CASP4: variants seen among roughly 807,000 people sequenced by gnomAD.
The protein encoded by CASP4 is caspase-4.
In CASP4, 29 loss-of-function variants were observed where a neutral mutation model predicts 41.3. The observed-to-expected ratio is 0.70, with a 90% CI of 0.52 to 0.96. The LOEUF (loss-of-function observed/expected upper bound fraction) is 0.96, where lower values mean the gene tolerates loss of function less well. Among genes scored for constraint, CASP4 ranks in the 40% least tolerant of loss-of-function variants. The pLI, the probability that CASP4 is intolerant of heterozygous loss-of-function variation, is 0.00. For synonymous variants in CASP4, 185 were observed against 158.4 expected (o/e 1.17, Z -1.26); for missense variants, 447 against 460.6 (o/e 0.97, Z 0.27).
chr11:104,957,718 T>A (rs1860767057), intron 1 of CASP4, among the ~76,000 whole-genome samples: 1 of 152,020 alleles, frequency 6.6e-6, no homozygotes, highest in South Asian at 2.1e-4. Flanking sequence ...CAAAGAAATC[T>A]AAAGATACAA....
intron 1 of CASP4, among the ~76,000 whole-genome samples, chr11:104,958,821 C>A (rs771314927): frequency 1.3e-5 from 2 of 151,566 alleles, no homozygotes; most frequent in Admixed American, 1.3e-4. Context: ...ATTAGCCGAG[C>A]GTGGTGGTGG....
At chr11:104,967,304 G>A (rs754179158) in intron 1 of CASP4, among the ~76,000 whole-genome samples, 7 of 152,090 alleles carry the variant, frequency 4.6e-5, no homozygotes, top group African/African-American at 7.2e-5. Context: ...CATAAACCCC[G>A]GAGAGAATTG....
intron 1 of CASP4, among the ~76,000 whole-genome samples, chr11:104,967,732 T>TATTGCTGCATCTG (rs1861007695): frequency 6.6e-6 from 1 of 152,186 alleles, no homozygotes; most frequent in Non-Finnish European, 1.5e-5. Flanking sequence ...TTTATATGAC[T>TATTGCTGCATCTG]ACAGATTGCT....
chr11:104,945,852 T>C (rs991140611), intron 7 of CASP4, among the ~76,000 whole-genome samples: 7 of 151,856 alleles, frequency 4.6e-5, no homozygotes, highest in Non-Finnish European at 7.4e-5. Context: ...CTTTTCTTTC[T>C]TTTTCTTTTT....
At chr11:104,956,518 A>G (rs998536562) in intron 1 of CASP4, 1 of 242,736 alleles carries the variant, frequency 4.1e-6, no homozygotes, top group East Asian at 1.8e-4. Context: ...CACCGAGTAT[A>G]TAGTAACTGG....
chr11:104,954,759 G>C lies in CASP4; in HGVS notation c.250C>G (p.Pro84Ala). ...QTFFNIDQIS[P>A]NKKAHPNMEA... ...AATCCAGTCTTACCTTTTTTATTGGGGGATATTTGGTCTATGTTAAAAAAG... is the reference window on the plus strand; with the variant it reads ...AATCCAGTCTTACCTTTTTTATTGGCGGATATTTGGTCTATGTTAAAAAAG... Residue 84 changes from proline (P) to alanine (A), a missense_variant, in exon 2 of 9, where the codon CCC becomes GCC. Transcript: ENST00000444739. The C allele has an allele frequency of 4.3e-6, 7 of 1,611,206 alleles. No individual in the cohort carries two copies. Among genetic ancestry groups the C allele is most frequent in the Non-Finnish European group, 5.9e-6 (7 of 1,179,020 alleles).
intron 1 of CASP4, among the ~76,000 whole-genome samples, chr11:104,955,267 G>C (rs933430158): frequency 6.6e-6 from 1 of 150,728 alleles, no homozygotes; most frequent in Non-Finnish European, 1.5e-5. Flanking sequence ...TGTGGCATTG[G>C]ACCTAATGCA....
intron 3 of CASP4, chr11:104,951,508 C>A (rs1244640554): frequency 7.9e-6 from 2 of 252,458 alleles, no homozygotes; most frequent in South Asian, 6.0e-5. Context: ...GTTTTTCAAG[C>A]TTTAATTATA....
rs199634495 is a variant in CASP4, at chr11:104,951,093, A to G, written c.378T>C (p.Tyr126=). Residue 126 remains tyrosine, a synonymous_variant, in exon 4 of 9, where the codon TAT becomes TAC. Transcript: ENST00000444739. ...TGCGGTTGTTTCTCTCCTTTATTGG[A>G]TAGATCTGCAGGATATGGAGATGCA... ...RLCKERAEEI[Y]PIKERNNRTR... 1.3e-5 allele frequency: 21 copies of G among 1,612,558 alleles called. No homozygotes were observed. The highest frequency in any genetic ancestry group is 2.5e-6 in the Non-Finnish European group (3 of 1,179,132).
chr11:104,948,405 T>C, intron 6 of CASP4, 128 bp downstream of exon 6: 1 of 932,764 alleles, frequency 1.1e-6, no homozygotes, highest in Non-Finnish European at 1.5e-6. Flanking sequence ...CATAAGATCA[T>C]GTAAAATATG....
Position 104,949,740 on chromosome 11 carries a change from G to T in CASP4, c.584C>A (p.Pro195Gln), listed in dbSNP as rs950755573. The T allele has an allele frequency of 6.2e-7, 1 of 1,613,746 alleles. No homozygotes were observed. The highest frequency in any genetic ancestry group is 1.7e-5 in the Admixed American group (1 of 59,932). The change falls in exon 5 of 9, where the codon CCA becomes CAA. Residue 195 changes from proline to glutamine, a missense_variant. Physicochemically the swap from Pro to Gln is moderately conservative, Grantham distance 76. Transcript: ENST00000444739. ...TGTGCTGTCAGAGGACTTGTGCTCT[G>T]GTCTGGTAGCAAATGCCCTCAGCGC... Reference protein sequence around the residue: ...ESALRAFATRPEHKSSDSTFL... With the variant: ...ESALRAFATRQEHKSSDSTFL...
intron 4 of CASP4, 101 bp downstream of exon 4, chr11:104,950,816 ACACACACC>A: frequency 1.0e-6 from 1 of 953,546 alleles, no homozygotes; most frequent in Non-Finnish European, 1.6e-6. Context: ...ACACACACAC[ACACACACC>A]CAAAGGTTGT....
rs1555069939 is a variant in CASP4 at position 104,948,837 on chromosome 11, C to CACA, written c.782-162_782-161insTGT. On this transcript the variant is annotated intron_variant, in intron 5 of 8. Coordinates refer to ENST00000444739, the MANE Select transcript of CASP4 (RefSeq NM_001225.4). ...AGAGAGAGACACACACACACACACA[C>CACA]CACTTTTCTTTCTCTCCAGTGTCAT... is the stretch of plus-strand genomic sequence containing the variant. 169 of 458,544 alleles carry CACA rather than the reference C, an allele frequency of 3.7e-4. 1 individual carries two copies. The highest frequency in any genetic ancestry group is 2.0e-3 in the African/African-American group (98 of 49,210). The allele number at this position is 458,544 out of a possible 1,614,324, so 28.4% of individuals were successfully genotyped here.
At chr11:104,961,047 T>C (rs567386253) in intron 1 of CASP4, among the ~76,000 whole-genome samples, 1 of 152,328 alleles carries the variant, frequency 6.6e-6, no homozygotes, top group African/African-American at 2.4e-5. Context: ...ATTACAACAA[T>C]GAACGAAATC....
At chr11:104,962,816 A>G (rs762784501) in intron 1 of CASP4, among the ~76,000 whole-genome samples, 1 of 152,200 alleles carries the variant, frequency 6.6e-6, no homozygotes, top group African/African-American at 2.4e-5. Context: ...CTTTTGACAT[A>G]GAGGCTCAGG....
At chr11:104,947,289 G>C in intron 6 of CASP4, 97 bp from the exon 7 acceptor site, 1 of 679,434 alleles carries the variant, frequency 1.5e-6, no homozygotes, top group Non-Finnish European at 2.5e-6. Flanking sequence ...GAAAAGCATA[G>C]CTTGGGAATT....
rs1457339620 is a variant in CASP4, at chr11:104,968,555, G to A, written c.-30C>T. The A allele has an allele frequency of 1.2e-6, 2 of 1,611,874 alleles. No individual in the cohort carries two copies. Among genetic ancestry groups the A allele is most frequent in the South Asian group, 1.1e-5 (1 of 91,030 alleles). ...AACAGCCTCTGTCCTTTTTTACAGCGTTGGAAAGAGCCTCAGAGTCAAAAA... is the reference window on the plus strand; with the variant it reads ...AACAGCCTCTGTCCTTTTTTACAGCATTGGAAAGAGCCTCAGAGTCAAAAA... On this transcript the variant is annotated 5_prime_UTR_variant, in exon 1 of 9. It adds an upstream start codon to the 5' untranslated region. Transcript: ENST00000444739.
chr11:104,948,715 C>T, intron 5 of CASP4, 39 bp from the exon 6 acceptor site: 1 of 1,524,652 alleles, frequency 6.6e-7, no homozygotes, highest in Non-Finnish European at 8.9e-7. Flanking sequence ...GCTGTGCCTC[C>T]CACAGAATGG....
chr11:104,963,218 G>A (rs916454698), intron 1 of CASP4, among the ~76,000 whole-genome samples: 4 of 152,122 alleles, frequency 2.6e-5, no homozygotes, highest in Non-Finnish European at 5.9e-5. Context: ...CTGTAAAAGA[G>A]GGTTTTTTCT....
Sources: gnomAD v4.1 joint callset for allele counts (sites outside exome capture counted in the v4.1 genomes callset) on GRCh38, gnomAD v4.1.1 for gene constraint, MANE v1.5 for transcripts, NCBI Gene and HGNC (gene_info 2026-07-23, HGNC 2026-07-21) for gene names.